Variants in ZNF362 observed in about 807,000 individuals in gnomAD.
ZNF362 encodes rotund homolog.
A neutral mutation model predicts 42.9 loss-of-function variants in ZNF362; 11 were observed. The ratio of observed to expected loss-of-function variants is 0.26; its 90% CI spans 0.16 to 0.42. The LOEUF is 0.42. Among genes scored for constraint, ZNF362 ranks in the 20% least tolerant of loss-of-function variants. The pLI, the probability that ZNF362 is intolerant of heterozygous loss-of-function variation, is 1.00. For synonymous variants in ZNF362, 255 were observed against 257.3 expected, an observed-to-expected ratio of 0.99 and a Z score of 0.09; for missense variants, 362 against 576.2, an observed-to-expected ratio of 0.63 and a Z score of 3.81.
chr1:33,207,061 A>G, the ZNF362 span, among the ~76,000 whole-genome samples: 1 of 151,952 alleles, frequency 6.6e-6, no homozygotes, highest in Admixed American at 6.6e-5. Flanking sequence ...TCAACTCATC[A>G]TTTACATTAG....
the ZNF362 span, among the ~76,000 whole-genome samples, chr1:33,128,026 A>T: frequency 6.6e-6 from 1 of 152,028 alleles, no homozygotes; most frequent in Non-Finnish European, 1.5e-5. Context: ...GTAAAATAGG[A>T]TAATAGTATC....
the ZNF362 span, among the ~76,000 whole-genome samples, chr1:33,243,934 T>C: frequency 1.7e-4 from 26 of 152,256 alleles, no homozygotes; most frequent in Non-Finnish European, 3.2e-4. Context: ...TTTTCTATCA[T>C]AAGCATGCAT....
At chr1:33,175,031 TTATGTA>T in the ZNF362 span, among the ~76,000 whole-genome samples, 8 of 147,148 alleles carry the variant, frequency 5.4e-5, no homozygotes, top group South Asian at 1.5e-3. Flanking sequence ...ATGTATATGT[TTATGTA>T]TATGTATATG....
At chr1:33,180,975 C>G in the ZNF362 span, 2 of 836,774 alleles carry the variant, frequency 2.4e-6, no homozygotes, top group Non-Finnish European at 3.5e-6. Flanking sequence ...CCGCCCGGCC[C>G]CACCTCCAGC....
At chr1:33,183,306 T>A in the ZNF362 span, among the ~76,000 whole-genome samples, 1 of 152,198 alleles carries the variant, frequency 6.6e-6, no homozygotes. Flanking sequence ...TTTATTGAGG[T>A]ACAGTTTATG....
the ZNF362 span, among the ~76,000 whole-genome samples, chr1:33,189,677 A>ATG: frequency 4.8e-5 from 2 of 41,914 alleles, no homozygotes; most frequent in African/African-American, 1.4e-4. Context: ...ATATATGTAT[A>ATG]TATATACGTA....
upstream of ZNF362, among the ~76,000 whole-genome samples, chr1:33,252,906 GGAGA>G (rs2148048155): frequency 6.6e-6 from 1 of 152,236 alleles, no homozygotes; most frequent in South Asian, 2.1e-4. Context: ...TTGCAGAATT[GGAGA>G]GGATGACAGT....
chr1:33,265,255 G>A (rs1288988422), intron 1 of ZNF362, among the ~76,000 whole-genome samples: 4 of 151,548 alleles, frequency 2.6e-5, no homozygotes, highest in African/African-American at 9.7e-5. Context: ...TCCCAGAGAG[G>A]CTCAACCGCC....
At chr1:33,214,952 T>A in the ZNF362 span, among the ~76,000 whole-genome samples, 3 of 152,122 alleles carry the variant, frequency 2.0e-5, no homozygotes, top group Non-Finnish European at 2.9e-5. Context: ...TCAAAAAAAC[T>A]AAAGATAGAA....
the ZNF362 span, among the ~76,000 whole-genome samples, chr1:33,208,063 G>C: frequency 6.6e-6 from 1 of 152,002 alleles, no homozygotes. Flanking sequence ...TTTCTTCTAG[G>C]GTTTTTATGG....
chr1:33,174,945 G>GTGTATATATATATATATA, the ZNF362 span, among the ~76,000 whole-genome samples: 5 of 141,742 alleles, frequency 3.5e-5, no homozygotes, highest in African/African-American at 1.4e-4. Flanking sequence ...ATATATGTGT[G>GTGTATATATATATATATA]TATATATATA....
At chr1:33,291,501 T>C (rs1055599026) in intron 6 of ZNF362, among the ~76,000 whole-genome samples, 1 of 152,260 alleles carries the variant, frequency 6.6e-6, no homozygotes, top group Non-Finnish European at 1.5e-5. Flanking sequence ...GGTAGCGTGA[T>C]GCTTCCAGCT....
chr1:33,246,040 A>G, the ZNF362 span, among the ~76,000 whole-genome samples: 1 of 152,144 alleles, frequency 6.6e-6, no homozygotes, highest in East Asian at 1.9e-4. Flanking sequence ...ACAAGACAGG[A>G]TTAGAGCCTT....
At chr1:33,206,262 G>A in the ZNF362 span, among the ~76,000 whole-genome samples, 170 of 152,028 alleles carry the variant, frequency 1.1e-3, no homozygotes, top group African/African-American at 3.7e-3. Context: ...TCCTGCTTAA[G>A]TGTACAACAT....
At chr1:33,132,046 G>A in the ZNF362 span, among the ~76,000 whole-genome samples, 1 of 152,180 alleles carries the variant, frequency 6.6e-6, no homozygotes, top group Non-Finnish European at 1.5e-5. Context: ...GCATTAATGT[G>A]ACCGGGCTCC....
At chr1:33,155,797 C>T in the ZNF362 span, among the ~76,000 whole-genome samples, 1 of 152,202 alleles carries the variant, frequency 6.6e-6, no homozygotes, top group Non-Finnish European at 1.5e-5. Context: ...TGCTGCCAGT[C>T]AGTTTGAATC....
At chr1:33,214,945 A>G in the ZNF362 span, among the ~76,000 whole-genome samples, 107,533 of 151,380 alleles carry the variant, frequency 0.71, 38,622 homozygotes, top group Non-Finnish European at 0.76. Flanking sequence ...AGGTTCCTCA[A>G]AAAAACTAAA....
chr1:33,283,704 C>T (rs1646012774), intron 6 of ZNF362, among the ~76,000 whole-genome samples: 1 of 151,722 alleles, frequency 6.6e-6, no homozygotes, highest in Non-Finnish European at 1.5e-5. Context: ...GACCCTGTCT[C>T]AAAAGAAAAA....
chr1:33,211,818 C>G, the ZNF362 span, among the ~76,000 whole-genome samples: 1 of 152,108 alleles, frequency 6.6e-6, no homozygotes, highest in Non-Finnish European at 1.5e-5. Flanking sequence ...TGGATAGTAT[C>G]CTGAAGAATG....
Sources: gnomAD v4.1 joint callset for allele counts (sites outside exome capture counted in the v4.1 genomes callset) on GRCh38, gnomAD v4.1.1 for gene constraint, MANE v1.5 for transcripts, NCBI Gene and HGNC (gene_info 2026-07-23, HGNC 2026-07-21) for gene names.